Variants in PCDHA11 observed in about 807,000 individuals in gnomAD.
PCDHA11 encodes protocadherin alpha-11.
A neutral mutation model predicts 70.3 loss-of-function variants in PCDHA11; 61 were observed. That is an observed-to-expected ratio of 0.87 (90% CI 0.71 to 1.07). The LOEUF is 1.07. Ranked by LOEUF, PCDHA11 falls within the 50% of genes least tolerant of loss-of-function variation. The pLI is 0.00. For synonymous variants in PCDHA11, 633 were observed against 555.1 expected (o/e 1.14, Z -1.97); for missense variants, 1,324 against 1,237.5 (o/e 1.07, Z -1.05).
chr5:140,957,852 A>AT (rs5871756), intron 1 of PCDHA11, among the ~76,000 whole-genome samples: 44,688 of 151,688 alleles, frequency 0.29, 7,154 homozygotes, highest in East Asian at 0.53. Context: ...GAGTTTGTGT[A>AT]TTTTTTTTCC....
chr5:140,928,100 T>C (rs1458420006), intron 1 of PCDHA11: 1 of 1,614,090 alleles, frequency 6.2e-7, no homozygotes, highest in African/African-American at 1.3e-5. Context: ...GATGGGCCCC[T>C]GGACCGGGAG....
intron 1 of PCDHA11, among the ~76,000 whole-genome samples, chr5:140,908,078 A>T (rs1047293736): frequency 6.6e-6 from 1 of 152,202 alleles, no homozygotes; most frequent in Non-Finnish European, 1.5e-5. Context: ...AAAGTGCACA[A>T]CCAGGTGCAC....
chr5:140,989,939 C>T (rs533490284), intron 3 of PCDHA11, among the ~76,000 whole-genome samples: 2 of 152,004 alleles, frequency 1.3e-5, no homozygotes, highest in South Asian at 2.1e-4. Flanking sequence ...TGACATTCCA[C>T]GTTTTTCTCG....
chr5:140,892,779 A>G (rs1490865049), intron 1 of PCDHA11, among the ~76,000 whole-genome samples: 1 of 152,192 alleles, frequency 6.6e-6, no homozygotes, highest in Non-Finnish European at 1.5e-5. Flanking sequence ...TAGCTTCTTG[A>G]AAATATGTAA....
At chr5:140,883,446 T>TCCC (rs2059615161) in intron 1 of PCDHA11, 1 of 1,614,012 alleles carries the variant, frequency 6.2e-7, no homozygotes, top group African/African-American at 1.3e-5. Context: ...ACGCCGCATG[T>TCCC]CCCCTTCAAG....
chr5:140,948,602 A>G (rs537329393), intron 1 of PCDHA11, among the ~76,000 whole-genome samples: 2 of 151,590 alleles, frequency 1.3e-5, no homozygotes, highest in Non-Finnish European at 3.0e-5. Context: ...AATTTATCAT[A>G]TTTTTGGCAC....
chr5:140,896,635 C>T (rs539969970), intron 1 of PCDHA11, among the ~76,000 whole-genome samples: 4 of 152,178 alleles, frequency 2.6e-5, no homozygotes, highest in South Asian at 4.1e-4. Context: ...CCTTGGCCTC[C>T]CAAAGTGCTA....
chr5:140,917,442 G>C (rs186885625), intron 1 of PCDHA11, among the ~76,000 whole-genome samples: 5 of 152,072 alleles, frequency 3.3e-5, no homozygotes, highest in Admixed American at 3.3e-4. Flanking sequence ...TGTTTTTGCT[G>C]CAAGAGCGTT....
chr5:141,009,955 A>G lies in PCDHA11; in HGVS notation c.*18A>G, dbSNP rs782282264. 6.3e-7 allele frequency: 1 copy of G among 1,592,418 alleles called. No individual in the cohort carries two copies. Among genetic ancestry groups the G allele is most frequent in the African/African-American group, 1.4e-5 (1 of 73,350 alleles). ...ACCAGTGAGGTCCTCAAATGGAAAC[A>G]AGCCACTTAGCCAGTTTTTGTAATA... On this transcript the variant is annotated 3_prime_UTR_variant, in exon 4 of 4. Transcript: ENST00000398640.
intron 1 of PCDHA11, among the ~76,000 whole-genome samples, chr5:140,908,266 C>T (rs1281456045): frequency 1.3e-5 from 2 of 152,144 alleles, no homozygotes; most frequent in African/African-American, 4.8e-5. Context: ...AGGGAACTCC[C>T]CATGAGGCCA....
intron 1 of PCDHA11, chr5:140,883,741 C>T (rs2153397240): frequency 6.2e-7 from 1 of 1,613,386 alleles, no homozygotes; most frequent in Non-Finnish European, 8.5e-7. Context: ...CGCTGGTCTC[C>T]TACTCGCTGG....
At chr5:140,891,246 A>AT (rs1213637493) in intron 1 of PCDHA11, among the ~76,000 whole-genome samples, 11 of 151,766 alleles carry the variant, frequency 7.2e-5, no homozygotes, top group South Asian at 2.1e-4. Context: ...ATTCAGTAGG[A>AT]TTTTTTTTAA....
At chr5:140,980,409 A>C (rs782265012) in intron 2 of PCDHA11, among the ~76,000 whole-genome samples, 3 of 152,188 alleles carry the variant, frequency 2.0e-5, no homozygotes, top group Non-Finnish European at 4.4e-5. Flanking sequence ...AGGTGGGCAG[A>C]TCATGAGGTC....
At position 140,871,185 on chromosome 5, in the gene PCDHA11, T is replaced by C. The variant is rs782235765; in HGVS notation, c.2082T>C (p.Asp694=). 6.2e-7 allele frequency: 1 copy of C among 1,613,600 alleles called. No individual in the cohort carries two copies. Among genetic ancestry groups the C allele is most frequent in the Admixed American group, 1.7e-5 (1 of 60,034 alleles). Residue 694 remains aspartate, a synonymous_variant, in exon 1 of 4, where the codon GAT becomes GAC. Transcript: ENST00000398640. The part of the protein sequence containing the change: ...GAASPEAALV[D]VNVYLIIAIC... ...CGAGCCCAGAGGCTGCGCTGGTGGATGTCAACGTGTACCTGATCATCGCCA... is the reference window on the plus strand; with the variant it reads ...CGAGCCCAGAGGCTGCGCTGGTGGACGTCAACGTGTACCTGATCATCGCCA...
intron 1 of PCDHA11, among the ~76,000 whole-genome samples, chr5:140,941,192 TTTCTTTCTTCCTTTCTTTCTTCC>T (rs2153649449): frequency 1.0e-5 from 1 of 99,660 alleles, no homozygotes; most frequent in African/African-American, 4.0e-5. Flanking sequence ...CTTCTTTTTT[TTTCTTTCTTCCTTTCTTTCTTCC>T]TTTCTTTCTT....
chr5:140,945,701 CA>C (rs1563215722), intron 1 of PCDHA11, among the ~76,000 whole-genome samples: 1 of 151,988 alleles, frequency 6.6e-6, no homozygotes, highest in Non-Finnish European at 1.5e-5. Context: ...CACTGATTTG[CA>C]ACAAAAGTAT....
chr5:140,991,227 A>G (rs1172819040), intron 3 of PCDHA11, among the ~76,000 whole-genome samples: 2 of 152,224 alleles, frequency 1.3e-5, no homozygotes, highest in African/African-American at 4.8e-5. Flanking sequence ...TCATTAATAA[A>G]TGCAGTGGTA....
At chr5:140,968,410 T>A (rs1554230678) in intron 1 of PCDHA11, 2 of 1,614,040 alleles carry the variant, frequency 1.2e-6, no homozygotes, top group Non-Finnish European at 1.7e-6. Flanking sequence ...TCTTTGTGAC[T>A]GTGGAGGCTC....
chr5:140,881,376 C>T (rs1487314933), intron 1 of PCDHA11: 2 of 984,636 alleles, frequency 2.0e-6, no homozygotes, highest in South Asian at 4.7e-5. Context: ...GAATTGCAGC[C>T]GGCGGCGGTA....
Sources: gnomAD v4.1 joint callset for allele counts (sites outside exome capture counted in the v4.1 genomes callset) on GRCh38, gnomAD v4.1.1 for gene constraint, MANE v1.5 for transcripts, NCBI Gene and HGNC (gene_info 2026-07-23, HGNC 2026-07-21) for gene names.